The following SGTB variants were observed in gnomAD, a reference collection of about 807,000 sequenced individuals.
SGTB encodes the protein small glutamine-rich tetratricopeptide repeat-containing protein beta.
In SGTB, 19 loss-of-function variants were observed where a neutral mutation model predicts 43.9. That is an observed-to-expected ratio of 0.43 (90% CI 0.30 to 0.63). SGTB has a LOEUF of 0.63. Among genes scored for constraint, SGTB ranks in the 30% least tolerant of loss-of-function variants. SGTB has a pLI of 0.12. For synonymous variants in SGTB, 116 were observed against 117.3 expected (o/e 0.99, Z 0.07); for missense variants, 304 against 358.9 (o/e 0.85, Z 1.24).
Position 65,691,706 on chromosome 5 carries a change from C to T in SGTB, c.375-6234G>A, listed in dbSNP as rs1579866695. On this transcript the variant is annotated intron_variant, in intron 5 of 10. Coordinates refer to ENST00000381007, the MANE Select transcript of SGTB (RefSeq NM_019072.3). ...CTGTAATCCCAGCACTTTGGGAGGC[C>T]GAGGCAGGCAGATCACAAGGTCAGG... Among the ~76,000 whole-genome samples the T allele has an allele frequency of 2.0e-5, 3 of 150,698 alleles. 1 individual carries two copies. The highest frequency in any genetic ancestry group is 4.0e-4 in the East Asian group (2 of 5,030).
chr5:65,677,777 A>G (rs1359807428), intron 8 of SGTB, among the ~76,000 whole-genome samples: 1 of 152,182 alleles, frequency 6.6e-6, no homozygotes, highest in Non-Finnish European at 1.5e-5. Flanking sequence ...AGAGGCCTTC[A>G]AGAAAATTCA....
intron 2 of SGTB, among the ~76,000 whole-genome samples, chr5:65,716,021 C>T (rs538743193): frequency 9.8e-5 from 15 of 152,348 alleles, no homozygotes; most frequent in Admixed American, 2.0e-4. Context: ...CCGCCCGCCT[C>T]GGCCTCCCGA....
At chr5:65,673,784 T>C (rs1036390698) in intron 8 of SGTB, among the ~76,000 whole-genome samples, 15 of 152,202 alleles carry the variant, frequency 9.9e-5, no homozygotes, top group African/African-American at 3.6e-4. Flanking sequence ...GCCACCCAAG[T>C]AGCTGGGATT....
chr5:65,718,970 A>G (rs751032269), intron 2 of SGTB, among the ~76,000 whole-genome samples: 6 of 152,230 alleles, frequency 3.9e-5, no homozygotes, highest in Non-Finnish European at 8.8e-5. Context: ...CAGAGCAATC[A>G]TAACTAACAT....
At chr5:65,705,636 C>G (rs1278749142) in intron 4 of SGTB, among the ~76,000 whole-genome samples, 2 of 151,900 alleles carry the variant, frequency 1.3e-5, no homozygotes, top group Non-Finnish European at 2.9e-5. Context: ...TTCCAAGGAA[C>G]AAAAACAGAA....
At chr5:65,717,406 A>T (rs1384852581) in intron 2 of SGTB, among the ~76,000 whole-genome samples, 1 of 151,894 alleles carries the variant, frequency 6.6e-6, no homozygotes, top group East Asian at 1.9e-4. Context: ...AAATTTTATG[A>T]TGTAAGATTA....
At chr5:65,719,218 T>C (rs1004712738) in intron 2 of SGTB, among the ~76,000 whole-genome samples, 5 of 152,212 alleles carry the variant, frequency 3.3e-5, no homozygotes, top group African/African-American at 7.2e-5. Flanking sequence ...GTTGAAATTA[T>C]AGAAGCAGTT....
chr5:65,722,429 CG>C, upstream of SGTB: 2 of 1,581,512 alleles, frequency 1.3e-6, no homozygotes, highest in Non-Finnish European at 1.7e-6. Flanking sequence ...CTCCAGCGCG[CG>C]GGTTAACCTT....
intron 8 of SGTB, 143 bp from the exon 9 acceptor site, chr5:65,672,424 G>C (rs568101027): frequency 2.0e-6 from 2 of 999,018 alleles, no homozygotes; most frequent in South Asian, 3.1e-5. Flanking sequence ...CAAAGTAAAG[G>C]GGAATGTAAA....
intron 5 of SGTB, among the ~76,000 whole-genome samples, chr5:65,695,531 T>C (rs539681909): frequency 6.6e-5 from 10 of 152,240 alleles, no homozygotes; most frequent in Non-Finnish European, 1.5e-4. Context: ...ACGTGGTCTG[T>C]GCTCTCTGCC....
chr5:65,709,502 C>G (rs1026205292), intron 3 of SGTB, among the ~76,000 whole-genome samples: 12 of 151,824 alleles, frequency 7.9e-5, no homozygotes, highest in African/African-American at 2.9e-4. Context: ...CCTCAGCCTC[C>G]CGAGTAGCTG....
intron 5 of SGTB, among the ~76,000 whole-genome samples, chr5:65,701,887 C>T (rs1757832183): frequency 6.6e-6 from 1 of 152,188 alleles, no homozygotes; most frequent in Non-Finnish European, 1.5e-5. Context: ...CCCGCGTCGG[C>T]GTCCCAAAGT....
chr5:65,722,562 C>A, upstream of SGTB: 1 of 700,910 alleles, frequency 1.4e-6, no homozygotes, highest in South Asian at 2.0e-5. Context: ...AGGTGGACCC[C>A]TGGGGGACAC....
chr5:65,680,030 G>A (rs893791599), intron 8 of SGTB, among the ~76,000 whole-genome samples: 3 of 152,170 alleles, frequency 2.0e-5, no homozygotes, highest in African/African-American at 7.2e-5. Context: ...GGATGGAGCT[G>A]GAGGCCATTT....
intron 3 of SGTB, among the ~76,000 whole-genome samples, chr5:65,709,669 G>A (rs576577253): frequency 3.3e-5 from 5 of 152,234 alleles, no homozygotes; most frequent in African/African-American, 9.6e-5. Flanking sequence ...GAGCCACTGC[G>A]CCCGGCCGTG....
At chr5:65,722,430 G>C (rs1292037868), upstream of SGTB, 3 of 1,580,132 alleles carry the variant, frequency 1.9e-6, no homozygotes, top group African/African-American at 2.8e-5. Flanking sequence ...TCCAGCGCGC[G>C]GGTTAACCTT....
chr5:65,675,914 C>T (rs1258140808), intron 8 of SGTB, among the ~76,000 whole-genome samples: 1 of 152,170 alleles, frequency 6.6e-6, no homozygotes, highest in Non-Finnish European at 1.5e-5. Flanking sequence ...ACCAGTGACA[C>T]TGTGAAGCAA....
rs1057262933 is a variant in SGTB at position 65,696,224 on chromosome 5, C to T, written c.374+8055G>A. On this transcript the variant is annotated intron_variant, in intron 5 of 10. Transcript: ENST00000381007. Reference sequence around the variant, plus strand: ...GTCCTTCAAATCCGACTCCAGTTCTCCATCACCTAAGAGGCCTTCCAAATT... The same window carrying T: ...GTCCTTCAAATCCGACTCCAGTTCTTCATCACCTAAGAGGCCTTCCAAATT... Among the ~76,000 whole-genome samples, 20 of 152,342 alleles carry T rather than the reference C, an allele frequency of 1.3e-4. 1 individual carries two copies. The highest frequency in any genetic ancestry group is 1.1e-3 in the Admixed American group (17 of 15,302).
At chr5:65,691,663 G>A (rs1757611738) in intron 5 of SGTB, among the ~76,000 whole-genome samples, 2 of 150,338 alleles carry the variant, frequency 1.3e-5, no homozygotes, top group South Asian at 2.1e-4. Flanking sequence ...GTTACAGGCC[G>A]GGCGCAGTGC....
Sources: allele counts gnomAD v4.1 joint callset (sites outside exome capture counted in the v4.1 genomes callset), GRCh38; gene constraint gnomAD v4.1.1; transcripts MANE v1.5; gene names NCBI Gene and HGNC (gene_info 2026-07-23, HGNC 2026-07-21).